Variants in FHDC1 observed in about 807,000 individuals in gnomAD.
FHDC1 encodes the protein FH2 domain containing 1, also known as FH2 domain-containing protein 1.
FHDC1 carries 25 observed loss-of-function variants against 52.6 expected under a neutral mutation model. The observed-to-expected ratio is 0.48, with a 90% confidence interval of 0.35 to 0.66. The LOEUF is 0.66. Among genes scored for constraint, FHDC1 ranks in the 30% least tolerant of loss-of-function variants. The pLI, the probability that FHDC1 is intolerant of heterozygous loss-of-function variation, is 0.01. For synonymous variants in FHDC1, 616 were observed against 581.5 expected (o/e 1.06, Z -0.85); for missense variants, 1,459 against 1,452.8 (o/e 1.00, Z -0.07).
chr4:152,950,355 C>T (rs929388465), intron 2 of FHDC1, among the ~76,000 whole-genome samples: 4 of 152,204 alleles, frequency 2.6e-5, no homozygotes, highest in African/African-American at 9.6e-5. Context: ...GAAAGAGACT[C>T]CTCAGACACC....
At chr4:152,938,366 CTGCCTGGAGCACAGG>C (rs373610207) in intron 1 of FHDC1, among the ~76,000 whole-genome samples, 1 of 152,102 alleles carries the variant, frequency 6.6e-6, no homozygotes, top group African/African-American at 2.4e-5. Context: ...TCTTTCACTA[CTGCCTGGAGCACAGG>C]CAGACGGAAC....
intron 8 of FHDC1, among the ~76,000 whole-genome samples, chr4:152,963,801 T>TTTTTTC: frequency 8.4e-6 from 1 of 118,500 alleles, no homozygotes; most frequent in Non-Finnish European, 1.7e-5. Flanking sequence ...TTTTTTTTTT[T>TTTTTTC]TTGACTGGAT....
At chr4:152,933,334 T>C (rs1342334983), upstream of FHDC1, among the ~76,000 whole-genome samples, 1 of 152,172 alleles carries the variant, frequency 6.6e-6, no homozygotes, top group African/African-American at 2.4e-5. Flanking sequence ...TCTTCTAGAT[T>C]TTGCAGCTTT....
At chr4:152,935,916 A>G (rs1739353866), upstream of FHDC1, among the ~76,000 whole-genome samples, 1 of 152,122 alleles carries the variant, frequency 6.6e-6, no homozygotes, top group South Asian at 2.1e-4. Flanking sequence ...GCTGTCGCAA[A>G]GGCTCCTTTG....
At chr4:152,972,797 C>T (rs1323421585) in intron 11 of FHDC1, among the ~76,000 whole-genome samples, 1 of 152,234 alleles carries the variant, frequency 6.6e-6, no homozygotes, top group Non-Finnish European at 1.5e-5. Flanking sequence ...CTCCCTGACA[C>T]TCACATTAAT....
rs187169714 is a variant in FHDC1, at chr4:152,971,432, G to A, written c.1219-945G>A. On this transcript the variant is annotated intron_variant, in intron 10 of 11. Transcript: ENST00000511601. ...GGCTGCTGTGGAGCCCTTTTTCTCCGCACCATACTGCTTCCTCATGCAGCT... is the reference window on the plus strand; with the variant it reads ...GGCTGCTGTGGAGCCCTTTTTCTCCACACCATACTGCTTCCTCATGCAGCT... 6.6e-4 allele frequency among the ~76,000 whole-genome samples: 101 copies of A among 152,184 alleles called. 1 individual carries two copies. Among genetic ancestry groups the A allele is most frequent in the African/African-American group, 2.1e-3 (88 of 41,526 alleles).
At chr4:152,929,412 C>T in the FHDC1 span, among the ~76,000 whole-genome samples, 1 of 152,164 alleles carries the variant, frequency 6.6e-6, no homozygotes, top group Non-Finnish European at 1.5e-5. This position sits in a 1 kb window ranked among gnomAD's most constrained non-coding sequence, Gnocchi z 4.1. Flanking sequence ...CAAGGGATTT[C>T]CTTGTGTGCA....
At chr4:152,961,331 T>C (rs959033287) in intron 6 of FHDC1, among the ~76,000 whole-genome samples, 2 of 152,164 alleles carry the variant, frequency 1.3e-5, no homozygotes, top group African/African-American at 4.8e-5. Flanking sequence ...GTTCCTGACG[T>C]TTCTGTTCTG....
chr4:152,950,849 T>C lies in FHDC1; in HGVS notation c.499-2650T>C, dbSNP rs138860326. On this transcript the variant is annotated intron_variant, in intron 2 of 11. Transcript: ENST00000511601. ...CAGTAATGTGAAAACCCACAGAAAC[T>C]AGAGTGAAAAGGAGTCAGAGAGAAC... Among the ~76,000 whole-genome samples, 167 of 152,300 alleles carry C rather than the reference T, an allele frequency of 1.1e-3. 1 individual carries two copies. In the Middle Eastern group the frequency reaches 0.02, roughly 19 times the overall value.
the FHDC1 span, among the ~76,000 whole-genome samples, chr4:152,930,420 A>C: frequency 2.0e-5 from 3 of 152,188 alleles, no homozygotes; most frequent in Admixed American, 1.3e-4. Flanking sequence ...TTTAATACCA[A>C]CCCTTCTGAG....
chr4:152,953,267 GTTA>G lies in FHDC1; in HGVS notation c.499-225_499-223del, dbSNP rs372633165. On this transcript the variant is annotated intron_variant, in intron 2 of 11. Coordinates refer to ENST00000511601, the MANE Select transcript of FHDC1 (RefSeq NM_001371116.1). ...TTATATAATATTAAAGTAGGTATGT[GTTA>G]TTATTACATTTAAGGAAATATAATA... Among the ~76,000 whole-genome samples, 85 of 152,286 alleles carry G rather than the reference GTTA, an allele frequency of 5.6e-4. 3 individuals carry two copies. The East Asian group carries it at 9.6e-3, about 17-fold the overall frequency.
chr4:152,963,774 T>G (rs928229972), intron 8 of FHDC1, among the ~76,000 whole-genome samples: 4 of 50,964 alleles, frequency 7.8e-5, no homozygotes, highest in Admixed American at 5.3e-4. Context: ...GCTTTGTTTT[T>G]TTTTTTTTTT....
In FHDC1 at chr4:152,978,717, T is replaced by C. The variant is rs1490151675; in HGVS notation, c.*1994T>C. The C allele has an allele frequency of 6.6e-6, 1 of 151,890 alleles. No individual in the cohort carries two copies. Among genetic ancestry groups the C allele is most frequent in the Non-Finnish European group, 1.5e-5 (1 of 67,798 alleles). 9.4% of individuals were successfully genotyped at this position (151,890 alleles called of 1,614,324 possible). On this transcript the variant is annotated 3_prime_UTR_variant, in exon 12 of 12. Coordinates refer to ENST00000511601, the MANE Select transcript of FHDC1 (RefSeq NM_001371116.1). The stretch of plus-strand genomic sequence containing the variant: ...TCATTTTAGATCTGACATTGGTAGA[T>C]AGATGGATTTAGGCAAATATGATGC...
intron 2 of FHDC1, among the ~76,000 whole-genome samples, chr4:152,946,421 G>A (rs116560826): frequency 0.017 from 2,542 of 152,294 alleles, 32 homozygotes; most frequent in Non-Finnish European, 0.028. Flanking sequence ...TATCTGTAGC[G>A]TGGCTAGGAG....
chr4:152,934,551 AGTT>A (rs1739314072), upstream of FHDC1, among the ~76,000 whole-genome samples: 1 of 152,182 alleles, frequency 6.6e-6, no homozygotes, highest in South Asian at 2.1e-4. Context: ...TCCTTTAAGA[AGTT>A]CCCCCAGGAG....
At chr4:152,951,748 C>G (rs900716133) in intron 2 of FHDC1, among the ~76,000 whole-genome samples, 1 of 152,048 alleles carries the variant, frequency 6.6e-6, no homozygotes, top group Non-Finnish European at 1.5e-5. Context: ...AGCTAGTCTC[C>G]CGTTACCAAA....
At chr4:152,915,111 T>A in the FHDC1 span, among the ~76,000 whole-genome samples, 1 of 152,208 alleles carries the variant, frequency 6.6e-6, no homozygotes, top group Non-Finnish European at 1.5e-5. Flanking sequence ...CCTAAGGCTT[T>A]AGGCAGATAA....
At chr4:152,949,924 CAGTATGCTGACTGT>C (rs769807505) in intron 2 of FHDC1, among the ~76,000 whole-genome samples, 7 of 152,218 alleles carry the variant, frequency 4.6e-5, no homozygotes, top group Non-Finnish European at 7.3e-5. Flanking sequence ...ACGAACTCTG[CAGTATGCTGACTGT>C]ACCCGTGGCA....
intron 3 of FHDC1, 86 bp from the exon 4 acceptor site, chr4:152,954,131 T>C: frequency 8.9e-7 from 1 of 1,120,994 alleles, no homozygotes; most frequent in South Asian, 1.4e-5. Flanking sequence ...GGAAGGAGGG[T>C]GGAGGAGATT....
Sources: allele counts gnomAD v4.1 joint callset (sites outside exome capture counted in the v4.1 genomes callset), GRCh38; gene constraint gnomAD v4.1.1; non-coding constraint Gnocchi (gnomAD v3.1); transcripts MANE v1.5; gene names NCBI Gene and HGNC (gene_info 2026-07-23, HGNC 2026-07-21).